PLCB4: variants seen among roughly 807,000 people sequenced by gnomAD.
PLCB4 encodes 1-phosphatidylinositol 4,5-bisphosphate phosphodiesterase beta-4.
In PLCB4, 77 loss-of-function variants were observed where a neutral mutation model predicts 178.8. That is an observed-to-expected ratio of 0.43 (90% CI 0.36 to 0.52). The LOEUF is 0.52. PLCB4 is among the 20% of genes least tolerant of loss of function. PLCB4 has a pLI of 0.00. For synonymous variants in PLCB4, 496 were observed against 490.8 expected, an observed-to-expected ratio of 1.01 and a Z score of -0.14; for missense variants, 1,024 against 1,453.4, an observed-to-expected ratio of 0.70 and a Z score of 4.80.
chr20:9,248,960 G>C (rs1029665219), intron 3 of PLCB4, among the ~76,000 whole-genome samples: 4 of 152,178 alleles, frequency 2.6e-5, no homozygotes, highest in African/African-American at 9.7e-5. Flanking sequence ...GGGCTCCTGA[G>C]GGGGACCCTT....
rs558252561 is a variant in PLCB4, at chr20:9,104,529, A to G, written c.-79+8187A>G. 1.6e-4 allele frequency among the ~76,000 whole-genome samples: 24 copies of G among 152,226 alleles called. No homozygotes were observed. The East Asian group carries it at 4.6e-3, about 29-fold the overall frequency. On this transcript the variant is annotated intron_variant, in intron 2 of 39. Coordinates refer to ENST00000378473, the MANE Select transcript of PLCB4 (RefSeq NM_001377142.1). ...CACCCGCAAATTGCCCAGTATTTGC[A>G]TCTTGTCCTCAGATTCAATTTCCTA... is the stretch of plus-strand genomic sequence containing the variant.
chr20:9,250,266 C>T (rs1164020332), intron 3 of PLCB4, among the ~76,000 whole-genome samples: 6 of 152,146 alleles, frequency 3.9e-5, no homozygotes, highest in African/African-American at 1.4e-4. Context: ...TGATGGATGC[C>T]CTGTGCAGAG....
chr20:9,429,847 T>A (rs1028909277), intron 28 of PLCB4, among the ~76,000 whole-genome samples: 1 of 152,182 alleles, frequency 6.6e-6, no homozygotes, highest in Non-Finnish European at 1.5e-5. Flanking sequence ...GCAGAGAATT[T>A]TTGTCAGAAC....
At chr20:9,170,821 T>C (rs2093052071) in intron 2 of PLCB4, among the ~76,000 whole-genome samples, 1 of 152,202 alleles carries the variant, frequency 6.6e-6, no homozygotes, top group South Asian at 2.1e-4. Context: ...ATTGTCTGAA[T>C]TGCCAGACTC....
chr20:9,086,337 A>C (rs2090418703), intron 1 of PLCB4, among the ~76,000 whole-genome samples: 1 of 152,174 alleles, frequency 6.6e-6, no homozygotes, highest in South Asian at 2.1e-4. Context: ...TGTGAAGGTC[A>C]GGAACTCCTC....
At chr20:9,455,397 C>A (rs1157887835) in intron 33 of PLCB4, among the ~76,000 whole-genome samples, 1 of 152,142 alleles carries the variant, frequency 6.6e-6, no homozygotes, top group Admixed American at 6.6e-5. Context: ...TTTTCTGATT[C>A]AATCAATCAT....
chr20:9,270,692 A>C, intron 3 of PLCB4, among the ~76,000 whole-genome samples: 1 of 152,132 alleles, frequency 6.6e-6, no homozygotes, highest in East Asian at 1.9e-4. Context: ...AAGGTTATAT[A>C]GTTTAATTAT....
chr20:9,433,696 T>C (rs1337964793), intron 28 of PLCB4, among the ~76,000 whole-genome samples: 1 of 152,246 alleles, frequency 6.6e-6, no homozygotes, highest in Non-Finnish European at 1.5e-5. Flanking sequence ...ACTTGAAATG[T>C]TTTGTAACAA....
intron 3 of PLCB4, among the ~76,000 whole-genome samples, chr20:9,222,265 AT>A (rs1004370639): frequency 2.0e-5 from 3 of 151,264 alleles, no homozygotes; most frequent in African/African-American, 7.3e-5. Context: ...AATTTGTAAA[AT>A]TTTTTTTGTA....
intron 17 of PLCB4, among the ~76,000 whole-genome samples, chr20:9,393,134 G>T (rs13036820): frequency 0.079 from 12,074 of 152,164 alleles, 540 homozygotes; most frequent in African/African-American, 0.1. Flanking sequence ...AGTGTTGAGG[G>T]TTGGGTCAGC....
chr20:9,133,967 A>T lies in PLCB4; in HGVS notation c.-79+37625A>T, dbSNP rs2092331076. 2.6e-5 allele frequency among the ~76,000 whole-genome samples: 4 copies of T among 152,224 alleles called. No individual in the cohort carries two copies. In the South Asian group the frequency reaches 8.3e-4, roughly 32 times the overall value. On this transcript the variant is annotated intron_variant, in intron 2 of 39. Transcript: ENST00000378473. ...GTGTGAAGACAAAGCTTTGTGCCTC[A>T]AATGTCCTACTGTAAAGACCAGGGC...
intron 3 of PLCB4, among the ~76,000 whole-genome samples, chr20:9,239,587 G>A (rs1274150762): frequency 6.6e-6 from 1 of 152,160 alleles, no homozygotes; most frequent in Admixed American, 6.5e-5. Flanking sequence ...ATTGAAGGAT[G>A]GAAGGGTACG....
chr20:9,409,013 CT>C, intron 23 of PLCB4, 43 bp from the exon 24 acceptor site: 1 of 1,581,484 alleles, frequency 6.3e-7, no homozygotes, highest in Non-Finnish European at 8.6e-7. Context: ...TTATTTTTCT[CT>C]GCTGTAGGAC....
At chr20:9,265,432 G>A (rs992893876) in intron 3 of PLCB4, among the ~76,000 whole-genome samples, 12 of 152,122 alleles carry the variant, frequency 7.9e-5, no homozygotes, top group African/African-American at 2.2e-4. Context: ...GCAGTGAGCC[G>A]AGACTGTGAC....
chr20:9,071,628 G>A (rs961170706), intron 1 of PLCB4, among the ~76,000 whole-genome samples: 4 of 151,998 alleles, frequency 2.6e-5, no homozygotes, highest in Non-Finnish European at 4.4e-5. Flanking sequence ...AAAAAATTTT[G>A]CAGATTATTA....
At chr20:9,262,741 G>T (rs2094310680) in intron 3 of PLCB4, among the ~76,000 whole-genome samples, 1 of 152,146 alleles carries the variant, frequency 6.6e-6, no homozygotes, top group African/African-American at 2.4e-5. Context: ...GACAAAGCCA[G>T]GATGTTTTAT....
chr20:9,294,655 T>G (rs1056170215), intron 3 of PLCB4, among the ~76,000 whole-genome samples: 1 of 152,140 alleles, frequency 6.6e-6, no homozygotes, highest in Non-Finnish European at 1.5e-5. Context: ...CCCCCTTTTT[T>G]CCTTTTTGCT....
chr20:9,416,539 G>A (rs1358623798), intron 25 of PLCB4, among the ~76,000 whole-genome samples: 1 of 152,154 alleles, frequency 6.6e-6, no homozygotes, highest in African/African-American at 2.4e-5. Flanking sequence ...AGAGAAAGCT[G>A]GTGGGCTTCC....
intron 12 of PLCB4, among the ~76,000 whole-genome samples, chr20:9,379,518 T>C (rs527412190): frequency 1.3e-5 from 2 of 152,320 alleles, no homozygotes; most frequent in East Asian, 3.9e-4. Flanking sequence ...ATGAAATTTG[T>C]TGAGTGCCCA....
Sources: allele counts gnomAD v4.1 joint callset (sites outside exome capture counted in the v4.1 genomes callset), GRCh38; gene constraint gnomAD v4.1.1; transcripts MANE v1.5; gene names NCBI Gene and HGNC (gene_info 2026-07-23, HGNC 2026-07-21).